CLEC4F: variants seen among roughly 807,000 people sequenced by gnomAD.
The protein encoded by CLEC4F is C-type (calcium dependent, carbohydrate-recognition domain) lectin, superfamily member 13.
CLEC4F carries 45 observed loss-of-function variants against 53.4 expected under a neutral mutation model. That is an observed-to-expected ratio of 0.84 (90% CI 0.66 to 1.08). The LOEUF (loss-of-function observed/expected upper bound fraction) is 1.08. CLEC4F is among the 50% of genes least tolerant of loss of function. The probability of loss-of-function intolerance (pLI) is 0.00; values close to 1 mark genes in which losing one functional copy is unlikely to be tolerated. For missense variants in CLEC4F, 753 were observed against 698.2 expected, an observed-to-expected ratio of 1.08 and a Z score of -0.88; for synonymous variants, 245 against 257.5, an observed-to-expected ratio of 0.95 and a Z score of 0.46.
intron 5 of CLEC4F, chr2:70,811,452 G>T: frequency 1.7e-6 from 1 of 574,812 alleles, no homozygotes; most frequent in Non-Finnish European, 3.4e-6. Context: ...CCTCAGCACT[G>T]CCATCCCCTC....
chr2:70,824,300 T>C (rs72907985), upstream of CLEC4F, among the ~76,000 whole-genome samples: 91,179 of 151,162 alleles, frequency 0.6, 27,966 homozygotes, highest in Middle Eastern at 0.7. Context: ...TGGCTTTTAT[T>C]CCGTTCGTCT....
chr2:70,809,418 A>C (rs1217023839), intron 6 of CLEC4F, 36 bp from the exon 7 acceptor site: 11 of 1,562,108 alleles, frequency 7.0e-6, no homozygotes, highest in Non-Finnish European at 9.5e-6. Context: ...AGAAAGACCC[A>C]CTCACTGGCT....
chr2:70,811,490 C>T (rs1214526879), intron 5 of CLEC4F: 3 of 494,056 alleles, frequency 6.1e-6, no homozygotes, highest in African/African-American at 3.9e-5. Flanking sequence ...CAGCACCTCC[C>T]ATAGCTTATT....
Position 70,816,048 on chromosome 2 carries a change from G to A in CLEC4F, c.1333C>T (p.Leu445=), listed in dbSNP as rs782082050. ...TMEIQQEQSR[L]KTLHVVITSQ... is the part of the protein sequence containing the mutation. The stretch of plus-strand genomic sequence containing the variant: ...GTAATGACCACATGGAGGGTCTTCA[G>A]GCGACTCTGCTCCTGCTGGATTTCC... The change falls in exon 4 of 7, where the codon CTG becomes TTG. Residue 445 remains leucine, a synonymous_variant. Coordinates refer to ENST00000272367, the MANE Select transcript of CLEC4F (RefSeq NM_173535.3). 7.4e-6 allele frequency: 12 copies of A among 1,614,194 alleles called. No homozygotes were observed. Among genetic ancestry groups the A allele is most frequent in the Non-Finnish European group, 9.3e-6 (11 of 1,180,046 alleles).
intron 4 of CLEC4F, among the ~76,000 whole-genome samples, chr2:70,815,078 C>T (rs1354335546): frequency 1.3e-5 from 2 of 152,190 alleles, no homozygotes; most frequent in South Asian, 4.1e-4. Flanking sequence ...TGCTGCCCAC[C>T]AAGCCCTCAT....
At chr2:70,811,493 A>G (rs782681962) in intron 5 of CLEC4F, 11 of 481,726 alleles carry the variant, frequency 2.3e-5, no homozygotes, top group Non-Finnish European at 4.1e-5. Context: ...CACCTCCCAT[A>G]GCTTATTAAG....
rs2104616702 is a variant in CLEC4F, at chr2:70,808,791, G to A, written c.*480C>T. 2 of 436,996 alleles carry A rather than the reference G, an allele frequency of 4.6e-6. No individual in the cohort carries two copies. Among genetic ancestry groups the A allele is most frequent in the South Asian group, 4.7e-5 (2 of 42,202 alleles). 27.1% of individuals were successfully genotyped at this position (436,996 alleles called of 1,614,324 possible). A position where few individuals can be genotyped will look rare whatever the true frequency, so the allele number is the denominator to read the frequency against. ...CGAGGTAAGCATGTTTGAAAGGGCT[G>A]AATCAAAGAACAAGGCAGGAAGTCC... On this transcript the variant is annotated 3_prime_UTR_variant, in exon 7 of 7. Coordinates refer to ENST00000272367, the MANE Select transcript of CLEC4F (RefSeq NM_173535.3).
At chr2:70,810,521 A>G (rs1256165803) in intron 5 of CLEC4F, among the ~76,000 whole-genome samples, 2 of 148,592 alleles carry the variant, frequency 1.3e-5, no homozygotes, top group Non-Finnish European at 3.0e-5. Flanking sequence ...TGGGAAGCTG[A>G]GGCAGGAGAA....
chr2:70,823,889 G>A (rs1553398477), upstream of CLEC4F, among the ~76,000 whole-genome samples: 1 of 152,046 alleles, frequency 6.6e-6, no homozygotes, highest in Non-Finnish European at 1.5e-5. Context: ...AACTAACTGG[G>A]CATGGTGGCA....
chr2:70,816,377 T>C lies in CLEC4F; in HGVS notation c.1004A>G (p.Lys335Arg), dbSNP rs1553395928. 5 of 1,613,978 alleles carry C rather than the reference T, an allele frequency of 3.1e-6. No individual in the cohort carries two copies. Among genetic ancestry groups the C allele is most frequent in the Non-Finnish European group, 4.2e-6 (5 of 1,179,972 alleles). ...GGCTGTGACCATTTTCAAATCCCTT[T>C]TTAACACGTGAATTTCATCACCAGC... ...ERAGDEIHVLKRDLKMVTAQT... is the reference protein window; with the variant it reads ...ERAGDEIHVLRRDLKMVTAQT... Residue 335 changes from lysine to arginine, a missense_variant, in exon 4 of 7, where the codon AAA becomes AGA. By Grantham distance (26) the Lys-to-Arg change is conservative. Coordinates refer to ENST00000272367, the MANE Select transcript of CLEC4F (RefSeq NM_173535.3).
At chr2:70,819,300 G>T in intron 3 of CLEC4F, 55 bp downstream of exon 3, 2 of 1,355,936 alleles carry the variant, frequency 1.5e-6, no homozygotes, top group Non-Finnish European at 2.1e-6. Context: ...CCTAGGGTCT[G>T]AGCATCTGAA....
rs782576892 is a variant in CLEC4F, at chr2:70,809,308, A to G, written c.1733T>C (p.Ile578Thr). ...GATCCAGGGACAGGGAGGGGTGTCTATGAAGCTGCAAGCTCCCATCCCAGA... is the reference window on the plus strand; with the variant it reads ...GATCCAGGGACAGGGAGGGGTGTCTGTGAAGCTGCAAGCTCCCATCCCAGA... ...VNSGMGACSF[I>T]DTPPCPWILS... is the part of the protein sequence containing the mutation. The change falls in exon 7 of 7, where the codon ATA (isoleucine) becomes ACA (threonine). Residue 578 changes from isoleucine (I) to threonine (T), a missense_variant. Physicochemically the swap from Ile to Thr is moderately conservative, Grantham distance 89. Transcript: ENST00000272367. The G allele has an allele frequency of 6.2e-7, 1 of 1,614,006 alleles. No individual in the cohort carries two copies. Among genetic ancestry groups the G allele is most frequent in the Admixed American group, 1.7e-5 (1 of 60,008 alleles).
At chr2:70,818,050 C>T (rs1677027500) in intron 3 of CLEC4F, among the ~76,000 whole-genome samples, 1 of 152,156 alleles carries the variant, frequency 6.6e-6, no homozygotes, top group East Asian at 1.9e-4. Flanking sequence ...TTCCAGTCTC[C>T]CCTCAGGAAT....
chr2:70,822,268 G>T (rs1021951353), upstream of CLEC4F, among the ~76,000 whole-genome samples: 3 of 152,164 alleles, frequency 2.0e-5, no homozygotes, highest in Non-Finnish European at 4.4e-5. Flanking sequence ...GCACACATTT[G>T]GTGTCAGAAG....
At chr2:70,824,244 C>T (rs539349139), upstream of CLEC4F, among the ~76,000 whole-genome samples, 11 of 149,956 alleles carry the variant, frequency 7.3e-5, no homozygotes, top group African/African-American at 9.8e-5. Flanking sequence ...CTACAAAATA[C>T]AGCAACAACA....
chr2:70,815,440 C>T (rs34855823), intron 4 of CLEC4F, among the ~76,000 whole-genome samples: 224 of 152,244 alleles, frequency 1.5e-3, no homozygotes, highest in Middle Eastern at 0.01. Flanking sequence ...TCATGCAAGT[C>T]TGTACTACTA....
chr2:70,823,702 T>G (rs1412872110), upstream of CLEC4F, among the ~76,000 whole-genome samples: 1 of 152,166 alleles, frequency 6.6e-6, no homozygotes, highest in East Asian at 1.9e-4. Context: ...AGAGGCTTTC[T>G]GTTCTCTGGC....
chr2:70,819,507 TC>T, intron 2 of CLEC4F, 63 bp from the exon 3 acceptor site: 3 of 1,451,566 alleles, frequency 2.1e-6, no homozygotes, highest in Non-Finnish European at 2.9e-6. Context: ...GGATACGCTG[TC>T]CCACACAGAG....
In CLEC4F at chr2:70,808,757, T is replaced by C. The variant is rs1450469933; in HGVS notation, c.*514A>G. On this transcript the variant is annotated 3_prime_UTR_variant, in exon 7 of 7. Transcript: ENST00000272367. ...TCCCTTGAGAAGCCACTGATGTCAC[T>C]GGGTCACTCGAGGTAAGCATGTTTG... 5.9e-6 allele frequency: 2 copies of C among 340,448 alleles called. No individual in the cohort carries two copies. The highest frequency in any genetic ancestry group is 6.6e-5 in the East Asian group (1 of 15,250). The allele number at this position is 340,448 out of a possible 1,614,324, so 21.1% of individuals were successfully genotyped here.
Sources: gnomAD v4.1 joint callset for allele counts (sites outside exome capture counted in the v4.1 genomes callset) on GRCh38, gnomAD v4.1.1 for gene constraint, MANE v1.5 for transcripts, NCBI Gene and HGNC (gene_info 2026-07-23, HGNC 2026-07-21) for gene names.